Variants in CHST8 observed in about 807,000 individuals in gnomAD.
The protein encoded by CHST8 is carbohydrate sulfotransferase 8.
In CHST8, 10 loss-of-function variants were observed where a neutral mutation model predicts 15.0. The ratio of observed to expected loss-of-function variants is 0.67; its 90% CI spans 0.41 to 1.13. The LOEUF (loss-of-function observed/expected upper bound fraction) is 1.13. Ranked by LOEUF, CHST8 falls within the 50% of genes most tolerant of loss-of-function variation. The probability of loss-of-function intolerance (pLI) is 0.00; values close to 1 mark genes in which losing one functional copy is unlikely to be tolerated. For missense variants in CHST8, 634 were observed against 608.2 expected, an observed-to-expected ratio of 1.04 and a Z score of -0.45; for synonymous variants, 259 against 256.6, an observed-to-expected ratio of 1.01 and a Z score of -0.09.
intron 3 of CHST8, among the ~76,000 whole-genome samples, chr19:33,761,668 T>C (rs544190644): frequency 3.6e-4 from 54 of 151,558 alleles, no homozygotes; most frequent in Non-Finnish European, 2.9e-5. Context: ...AAAATATGTA[T>C]ATATGTATAT....
chr19:33,646,958 G>A (rs1972362656), intron 1 of CHST8, among the ~76,000 whole-genome samples: 1 of 152,290 alleles, frequency 6.6e-6, no homozygotes, highest in African/African-American at 2.4e-5. Context: ...TAAGCTATGA[G>A]CTAAATTCCT....
intron 3 of CHST8, among the ~76,000 whole-genome samples, chr19:33,706,517 T>G (rs897155362): frequency 6.6e-6 from 1 of 152,110 alleles, no homozygotes; most frequent in Non-Finnish European, 1.5e-5. Flanking sequence ...CCTGACAATG[T>G]CACCTGCCAG....
intron 1 of CHST8, among the ~76,000 whole-genome samples, chr19:33,649,069 A>C (rs1972398158): frequency 6.6e-6 from 1 of 151,756 alleles, no homozygotes; most frequent in Non-Finnish European, 1.5e-5. Context: ...AAGCCCGGCT[A>C]ATTTTTGTAT....
chr19:33,666,549 C>T (rs1275739329), intron 1 of CHST8, among the ~76,000 whole-genome samples: 1 of 152,118 alleles, frequency 6.6e-6, no homozygotes, highest in Non-Finnish European at 1.5e-5. Context: ...CGATGGAGCC[C>T]AGAGGCTGGG....
At chr19:33,765,825 G>T (rs954645708) in intron 3 of CHST8, among the ~76,000 whole-genome samples, 6 of 152,098 alleles carry the variant, frequency 3.9e-5, no homozygotes, top group Non-Finnish European at 8.8e-5. Context: ...CCTCCAAAGT[G>T]CTGGGATTAC....
intron 3 of CHST8, among the ~76,000 whole-genome samples, chr19:33,697,136 C>T (rs367769279): frequency 6.6e-6 from 1 of 152,038 alleles, no homozygotes; most frequent in South Asian, 2.1e-4. Context: ...AACCACCTTG[C>T]CCAGCCTGTG....
At chr19:33,726,458 A>G (rs1973901382) in intron 3 of CHST8, among the ~76,000 whole-genome samples, 2 of 152,150 alleles carry the variant, frequency 1.3e-5, no homozygotes, top group Non-Finnish European at 2.9e-5. Flanking sequence ...CAGGGGCTTG[A>G]GCTCAGGAGA....
At chr19:33,716,645 G>C (rs1276249435) in intron 3 of CHST8, among the ~76,000 whole-genome samples, 1 of 152,190 alleles carries the variant, frequency 6.6e-6, no homozygotes, top group African/African-American at 2.4e-5. Context: ...TGGAATTACA[G>C]ATGTGAGCCA....
intron 1 of CHST8, among the ~76,000 whole-genome samples, chr19:33,642,303 C>T (rs182707801): frequency 3.3e-5 from 5 of 152,244 alleles, no homozygotes; most frequent in African/African-American, 4.8e-5. Context: ...GGCCCCCCCC[C>T]ACTCCACCTC....
intron 3 of CHST8, among the ~76,000 whole-genome samples, chr19:33,722,722 C>G (rs1973822943): frequency 1.3e-5 from 2 of 152,112 alleles, no homozygotes; most frequent in Non-Finnish European, 2.9e-5. Context: ...CCACCCCGAG[C>G]GTAACTCCCA....
intron 3 of CHST8, among the ~76,000 whole-genome samples, chr19:33,707,018 G>A (rs76630270): frequency 0.051 from 7,838 of 152,278 alleles, 273 homozygotes; most frequent in East Asian, 0.14. Flanking sequence ...AGTGAGTAAG[G>A]TGATGGGGAC....
At chr19:33,718,364 G>T (rs1292387405) in intron 3 of CHST8, among the ~76,000 whole-genome samples, 1 of 151,988 alleles carries the variant, frequency 6.6e-6, no homozygotes, top group Non-Finnish European at 1.5e-5. Flanking sequence ...GATTACAGGC[G>T]TGAGCCTCTG....
intron 3 of CHST8, among the ~76,000 whole-genome samples, chr19:33,725,690 G>A (rs1354760054): frequency 6.6e-6 from 1 of 152,252 alleles, no homozygotes; most frequent in Admixed American, 6.5e-5. Context: ...TCTCGGCACA[G>A]AGGTGTGATG....
chr19:33,672,957 C>G (rs759825), intron 2 of CHST8, among the ~76,000 whole-genome samples: 1 of 152,126 alleles, frequency 6.6e-6, no homozygotes, highest in African/African-American at 2.4e-5. Flanking sequence ...CCAGGCAGGA[C>G]GCGCCCAGGT....
intron 3 of CHST8, among the ~76,000 whole-genome samples, chr19:33,718,942 A>C (rs1465790054): frequency 1.3e-5 from 2 of 152,144 alleles, no homozygotes; most frequent in South Asian, 2.1e-4. Flanking sequence ...AGAGGGAAGG[A>C]GGCCTCCAGG....
intron 3 of CHST8, among the ~76,000 whole-genome samples, chr19:33,726,933 C>T (rs1329424918): frequency 6.6e-6 from 1 of 151,676 alleles, no homozygotes; most frequent in East Asian, 1.9e-4. Flanking sequence ...GCAGTGCTCC[C>T]CTCCCAGCTC....
At chr19:33,738,272 C>T (rs1465243384) in intron 3 of CHST8, among the ~76,000 whole-genome samples, 4 of 152,172 alleles carry the variant, frequency 2.6e-5, no homozygotes, top group African/African-American at 9.7e-5. Flanking sequence ...CATTTGACCT[C>T]TGCCTTTCAC....
chr19:33,717,102 T>C (rs1211083182), intron 3 of CHST8, among the ~76,000 whole-genome samples: 1 of 152,182 alleles, frequency 6.6e-6, no homozygotes, highest in African/African-American at 2.4e-5. Flanking sequence ...GTCCAGGCTC[T>C]TGACACCCTT....
chr19:33,749,620 T>C (rs990621467), intron 3 of CHST8, among the ~76,000 whole-genome samples: 29 of 151,718 alleles, frequency 1.9e-4, no homozygotes, highest in African/African-American at 6.8e-4. Context: ...TGCCTCTAAG[T>C]CCCTGGGTGG....
Sources: gnomAD v4.1 joint callset for allele counts (sites outside exome capture counted in the v4.1 genomes callset) on GRCh38, gnomAD v4.1.1 for gene constraint, MANE v1.5 for transcripts, NCBI Gene and HGNC (gene_info 2026-07-23, HGNC 2026-07-21) for gene names.